FOXO3: variants seen among roughly 807,000 people sequenced by gnomAD.
FOXO3 encodes the protein forkhead box protein O3.
In FOXO3, 4 loss-of-function variants were observed where a neutral mutation model predicts 41.9. The observed-to-expected ratio is 0.10, with a 90% CI of 0.05 to 0.22. FOXO3 has a LOEUF of 0.22. Ranked by LOEUF, FOXO3 falls within the 10% of genes least tolerant of loss-of-function variation. The probability of loss-of-function intolerance (pLI) is 1.00; values close to 1 mark genes in which losing one functional copy is unlikely to be tolerated. For missense variants in FOXO3, 534 were observed against 906.8 expected (o/e 0.59, Z 5.28); for synonymous variants, 318 against 389.3 (o/e 0.82, Z 2.16).
At chr6:108,672,183 C>T (rs1183188296) in intron 2 of FOXO3, among the ~76,000 whole-genome samples, 1 of 152,240 alleles carries the variant, frequency 6.6e-6, no homozygotes, top group African/African-American at 2.4e-5. Context: ...AGAGCCATTG[C>T]AGTCCCTCTT....
In FOXO3 at chr6:108,631,005, G is replaced by A. The variant is rs956643075; in HGVS notation, c.622-32450G>A. Among the ~76,000 whole-genome samples, 7 of 152,148 alleles carry A rather than the reference G, an allele frequency of 4.6e-5. 1 individual carries two copies. The South Asian group carries it at 8.3e-4, about 18-fold the overall frequency. ...TTCTTTTTGTTTAACATGTATAAAT[G>A]TCTAAGCCTATTTATTGTAGACATT... On this transcript the variant is annotated intron_variant, in intron 1 of 2. Coordinates refer to ENST00000406360, the MANE Select transcript of FOXO3 (RefSeq NM_001455.4).
chr6:108,611,903 T>C (rs1468491867), intron 1 of FOXO3, among the ~76,000 whole-genome samples: 1 of 152,204 alleles, frequency 6.6e-6, no homozygotes, highest in African/African-American at 2.4e-5. Context: ...TTGGAGATAA[T>C]TTTAATATTT....
chr6:108,562,107 A>T (rs1369014266), intron 1 of FOXO3, among the ~76,000 whole-genome samples: 1 of 151,888 alleles, frequency 6.6e-6, no homozygotes, highest in East Asian at 1.9e-4. Flanking sequence ...AACGGACAGG[A>T]GTACATTTGC....
chr6:108,561,428 G>A lies in FOXO3; in HGVS notation c.220G>A (p.Gly74Ser), dbSNP rs771834327. ...CGACGAGGACGGCGGGGGACGGGCC[G>A]GCTCGGCCATGGCGATCGGCGGCGG... Reference protein sequence around the residue: ...EDDEDGGGRAGSAMAIGGGGG... With the variant: ...EDDEDGGGRASSAMAIGGGGG... The change falls in exon 1 of 3, where the codon GGC (glycine) becomes AGC (serine). Residue 74 changes from glycine (G) to serine (S), a missense_variant. By Grantham distance (56) the Gly-to-Ser change is moderately conservative (BLOSUM62 0). This residue lies in a region of FOXO3 where 139 missense variants were observed against 163.7 expected (regional missense o/e 0.85). Coordinates refer to ENST00000406360, the MANE Select transcript of FOXO3 (RefSeq NM_001455.4). 28 of 1,538,046 alleles carry A rather than the reference G, an allele frequency of 1.8e-5. No homozygotes were observed. In the East Asian group the frequency reaches 3.0e-4, roughly 17 times the overall value.
At chr6:108,646,469 A>C (rs1403717373) in intron 1 of FOXO3, among the ~76,000 whole-genome samples, 2 of 152,138 alleles carry the variant, frequency 1.3e-5, no homozygotes, top group Non-Finnish European at 2.9e-5. Flanking sequence ...AACCAATCCA[A>C]ATTTTTTTTT....
At chr6:108,560,003 G>A (rs1449506456), upstream of FOXO3, 2 of 152,070 alleles carry the variant, frequency 1.3e-5, no homozygotes, top group South Asian at 2.1e-4. Context: ...GTCCCTGAAG[G>A]GAAGGAAGCG....
At chr6:108,617,139 T>C (rs1349411552) in intron 1 of FOXO3, among the ~76,000 whole-genome samples, 2 of 152,230 alleles carry the variant, frequency 1.3e-5, no homozygotes, top group African/African-American at 2.4e-5. Context: ...TTTGGGTATA[T>C]GCCTAGGAGG....
Position 108,663,708 on chromosome 6 carries a change from C to T in FOXO3, c.875C>T (p.Pro292Leu). 3 of 1,613,560 alleles carry T rather than the reference C, an allele frequency of 1.9e-6. No homozygotes were observed. Among genetic ancestry groups the T allele is most frequent in the Non-Finnish European group, 2.5e-6 (3 of 1,179,670 alleles). ...AGTCCCTCCCAGCTCTCCAAGTGGC[C>T]TGGCAGCCCCACGTCACGCAGCAGT... ...DDSPSQLSKW[P>L]GSPTSRSSDE... The change falls in exon 2 of 3, where the codon CCT (proline) becomes CTT (leucine). Residue 292 changes from proline (P) to leucine (L), a missense_variant. This residue lies in a region of FOXO3 where 185 missense variants were observed against 224.9 expected (regional missense o/e 0.82). Transcript: ENST00000406360.
intron 1 of FOXO3, among the ~76,000 whole-genome samples, chr6:108,566,986 G>A (rs536253284): frequency 2.0e-5 from 3 of 152,220 alleles, no homozygotes; most frequent in African/African-American, 7.2e-5. Context: ...TGCTTGCAGA[G>A]CATTTGCCAG....
intron 2 of FOXO3, among the ~76,000 whole-genome samples, chr6:108,676,985 CAGAGGA>C (rs1770620887): frequency 1.3e-5 from 2 of 152,242 alleles, no homozygotes; most frequent in South Asian, 4.1e-4. Context: ...CCTTCTGTCA[CAGAGGA>C]AACCAAAGGC....
chr6:108,642,920 T>C (rs1429664792), intron 1 of FOXO3, among the ~76,000 whole-genome samples: 1 of 152,234 alleles, frequency 6.6e-6, no homozygotes, highest in East Asian at 1.9e-4. Flanking sequence ...CATTGTCAAC[T>C]AATGTAACTT....
At chr6:108,664,981 T>C in intron 2 of FOXO3, 92 bp downstream of exon 2, 1 of 1,292,244 alleles carries the variant, frequency 7.7e-7, no homozygotes, top group Non-Finnish European at 1.1e-6. Context: ...TTGAACTTTA[T>C]TCCACACTGA....
intron 1 of FOXO3, among the ~76,000 whole-genome samples, chr6:108,589,306 C>A (rs967732786): frequency 6.6e-6 from 1 of 152,196 alleles, no homozygotes; most frequent in Non-Finnish European, 1.5e-5. Context: ...ATAAGCACCC[C>A]CTGCCCCGGA....
chr6:108,575,392 A>AG (rs1776235336), intron 1 of FOXO3, among the ~76,000 whole-genome samples: 1 of 142,032 alleles, frequency 7.0e-6, no homozygotes, highest in East Asian at 1.9e-4. Flanking sequence ...AAAAAAAAAA[A>AG]GAAAAGAAAA....
intron 1 of FOXO3, among the ~76,000 whole-genome samples, chr6:108,576,879 A>T (rs947917884): frequency 2.0e-5 from 3 of 151,646 alleles, no homozygotes; most frequent in Non-Finnish European, 2.9e-5. Flanking sequence ...GCTTTCAAAA[A>T]TTTTTTTTTC....
chr6:108,653,345 G>A (rs1369637194), intron 1 of FOXO3, among the ~76,000 whole-genome samples: 1 of 152,088 alleles, frequency 6.6e-6, no homozygotes, highest in Non-Finnish European at 1.5e-5. Flanking sequence ...AGTAAAACAT[G>A]GTATCTGGTT....
intron 1 of FOXO3, among the ~76,000 whole-genome samples, chr6:108,590,244 C>G (rs925094582): frequency 2.0e-5 from 3 of 152,050 alleles, no homozygotes; most frequent in African/African-American, 7.3e-5. Flanking sequence ...CCACCTCAGC[C>G]TCCTGAGTAG....
Position 108,586,284 on chromosome 6 carries a change from CTTATG to C in FOXO3, c.621+24461_621+24465del, listed in dbSNP as rs1243800465. Among the ~76,000 whole-genome samples the C allele has an allele frequency of 2.6e-5, 4 of 152,172 alleles. No individual in the cohort carries two copies. In the East Asian group the frequency reaches 5.8e-4, roughly 22 times the overall value. On this transcript the variant is annotated intron_variant, in intron 1 of 2. Coordinates refer to ENST00000406360, the MANE Select transcript of FOXO3 (RefSeq NM_001455.4). Reference sequence around the variant, plus strand: ...AAGGGACATAAGATTAGCTTCCAAACTTATGTTATGCCTTTAAATGAAAACAGAAG... The same window carrying C: ...AAGGGACATAAGATTAGCTTCCAAACTTATGCCTTTAAATGAAAACAGAAG...
chr6:108,670,824 T>C (rs1779195598), intron 2 of FOXO3, among the ~76,000 whole-genome samples: 2 of 152,186 alleles, frequency 1.3e-5, no homozygotes, highest in Non-Finnish European at 2.9e-5. Context: ...CCTTGTCATA[T>C]ATCTAGTGTT....
Sources: gnomAD v4.1 joint callset for allele counts (sites outside exome capture counted in the v4.1 genomes callset) on GRCh38, gnomAD v4.1.1 for gene constraint, gnomAD v4.1.1 regional missense constraint, MANE v1.5 for transcripts, NCBI Gene and HGNC (gene_info 2026-07-23, HGNC 2026-07-21) for gene names.